The following TSNARE1 variants were observed in gnomAD, a reference collection of about 807,000 sequenced individuals.
TSNARE1 encodes the protein t-SNARE domain containing 1, also known as t-SNARE domain-containing protein 1.
A neutral mutation model predicts 62.0 loss-of-function variants in TSNARE1; 49 were observed. The observed-to-expected ratio is 0.79, with a 90% CI of 0.63 to 1.00. TSNARE1 has a LOEUF of 1.00. TSNARE1 is among the 50% of genes least tolerant of loss of function. The pLI, the probability that TSNARE1 is intolerant of heterozygous loss-of-function variation, is 0.00. For synonymous variants in TSNARE1, 328 were observed against 294.4 expected (o/e 1.11, Z -1.17); for missense variants, 755 against 700.1 (o/e 1.08, Z -0.88).
chr8:142,245,696 A>G (rs1299314916), intron 12 of TSNARE1, among the ~76,000 whole-genome samples: 1 of 152,246 alleles, frequency 6.6e-6, no homozygotes, highest in Non-Finnish European at 1.5e-5. Context: ...AAAACTACAT[A>G]AGAGCAATGG....
In TSNARE1 at chr8:142,300,502, G is replaced by C; in HGVS notation, c.1274C>G (p.Ala425Gly). Residue 425 changes from alanine (A) to glycine (G), a missense_variant, in exon 10 of 14, where the codon GCC (alanine) becomes GGC (glycine). Ala to Gly is a moderately conservative substitution (Grantham distance 60). Transcript: ENST00000524325. ...CAGCCTCACCTCCATCTGCAGGATG[G>C]CCTCCTCCCGCAGCCGGATGGCCTC... ...DLEAIRLREE[A>G]ILQMESNLLD... 3.7e-6 allele frequency: 6 copies of C among 1,605,504 alleles called. No individual in the cohort carries two copies. The highest frequency in any genetic ancestry group is 4.2e-6 in the Non-Finnish European group (5 of 1,179,094).
intron 11 of TSNARE1, among the ~76,000 whole-genome samples, chr8:142,283,467 AAC>A: frequency 1.3e-5 from 2 of 148,996 alleles, no homozygotes; most frequent in Admixed American, 6.6e-5. Context: ...AGTGTCAATG[AAC>A]AGAGGCGGGG....
In TSNARE1 at chr8:142,344,320, G is replaced by A. The variant is rs1030475225; in HGVS notation, c.391C>T (p.Gln131Ter). The A allele has an allele frequency of 1.3e-6, 2 of 1,588,668 alleles. No homozygotes were observed. The highest frequency in any genetic ancestry group is 1.7e-6 in the Non-Finnish European group (2 of 1,164,518). Residue 131 changes from glutamine to a stop codon, truncating the protein, a stop_gained, in exon 4 of 14, where the codon CAG (glutamine) becomes TAG (stop). Coordinates refer to ENST00000524325, the MANE Select transcript of TSNARE1 (RefSeq NM_145003.5). LOFTEE classifies it high-confidence loss of function. ...AKKRKPNFCP[Q>*]ETEVLVSKVS... ...TTGGACACCAGCACCTCGGTCTCCT[G>A]CGGGCAGAAGTTGGGCTTCCTCTTC...
At chr8:142,325,687 C>T (rs1307479857) in intron 6 of TSNARE1, among the ~76,000 whole-genome samples, 1 of 152,200 alleles carries the variant, frequency 6.6e-6, no homozygotes, top group Non-Finnish European at 1.5e-5. Flanking sequence ...TGGAGGGACA[C>T]CTGGGGTTCT....
intron 11 of TSNARE1, 168 bp from the exon 12 acceptor site, chr8:142,275,031 G>A (rs1012380194): frequency 6.1e-6 from 6 of 985,338 alleles, no homozygotes; most frequent in Non-Finnish European, 6.0e-6. Context: ...GCTCCGCGTG[G>A]TGTGGGCAGT....
intron 1 of TSNARE1, among the ~76,000 whole-genome samples, chr8:142,387,210 C>T (rs767941498): frequency 1.3e-5 from 2 of 152,096 alleles, no homozygotes; most frequent in Admixed American, 6.6e-5. Context: ...GAAAAACTCT[C>T]GAACCAAAAA....
intron 4 of TSNARE1, 145 bp from the exon 5 acceptor site, chr8:142,331,976 C>T (rs1563930690): frequency 1.4e-6 from 1 of 728,078 alleles, no homozygotes; most frequent in Non-Finnish European, 2.4e-6. Flanking sequence ...GCCTTTGCGG[C>T]TTGGCCACCC....
intron 12 of TSNARE1, among the ~76,000 whole-genome samples, chr8:142,264,157 T>C (rs1489695240): frequency 6.6e-6 from 1 of 152,256 alleles, no homozygotes; most frequent in Non-Finnish European, 1.5e-5. Context: ...ATTAACTTCA[T>C]ATCCCTTAAT....
chr8:142,282,653 T>C (rs1404599685), intron 11 of TSNARE1, among the ~76,000 whole-genome samples: 2 of 141,296 alleles, frequency 1.4e-5, no homozygotes, highest in South Asian at 2.2e-4. Flanking sequence ...CCAGTGTCTG[T>C]CAATGAGCGG....
chr8:142,359,660 G>A (rs546016825), intron 1 of TSNARE1, among the ~76,000 whole-genome samples: 5 of 152,318 alleles, frequency 3.3e-5, no homozygotes, highest in East Asian at 3.9e-4. Context: ...CCCAGAGCCC[G>A]CCTGCCTCAC....
At chr8:142,397,849 G>A (rs1474569727) in intron 1 of TSNARE1, among the ~76,000 whole-genome samples, 1 of 152,178 alleles carries the variant, frequency 6.6e-6, no homozygotes, top group African/African-American at 2.4e-5. Context: ...CCAGCACACA[G>A]TGCCAAGGCA....
intron 12 of TSNARE1, chr8:142,273,439 C>T (rs542053598): frequency 4.0e-5 from 39 of 985,396 alleles, no homozygotes; most frequent in South Asian, 2.3e-4. Context: ...CTGCCCTCAG[C>T]GACTAGAGGT....
At chr8:142,260,703 G>A (rs1391007885) in intron 12 of TSNARE1, among the ~76,000 whole-genome samples, 7 of 151,858 alleles carry the variant, frequency 4.6e-5, no homozygotes, top group African/African-American at 1.7e-4. Flanking sequence ...TGACGCCCCA[G>A]CCTCACCAGT....
intron 2 of TSNARE1, among the ~76,000 whole-genome samples, chr8:142,350,526 C>T (rs1040619479): frequency 2.6e-5 from 4 of 152,180 alleles, no homozygotes; most frequent in Non-Finnish European, 4.4e-5. Context: ...CAGAAACATT[C>T]AAGGAATACA....
intron 12 of TSNARE1, among the ~76,000 whole-genome samples, chr8:142,235,360 G>A (rs551836401): frequency 2.0e-5 from 3 of 151,950 alleles, no homozygotes; most frequent in African/African-American, 4.8e-5. Context: ...AGGCCTCCTC[G>A]TCCCCACCTG....
intron 11 of TSNARE1, chr8:142,276,303 G>A (rs997541133): frequency 2.0e-6 from 2 of 985,294 alleles, no homozygotes; most frequent in African/African-American, 3.5e-5. Flanking sequence ...GCCACATTAG[G>A]GTCACGACCC....
intron 12 of TSNARE1, chr8:142,247,592 G>C (rs1817946456): frequency 6.6e-6 from 1 of 152,220 alleles, no homozygotes; most frequent in Non-Finnish European, 1.5e-5. Flanking sequence ...TTAAGAGATG[G>C]GATCTCACTG....
At chr8:142,222,938 AT>A in intron 13 of TSNARE1, among the ~76,000 whole-genome samples, 2 of 151,348 alleles carry the variant, frequency 1.3e-5, no homozygotes, top group African/African-American at 4.9e-5. Flanking sequence ...TCATCCACTC[AT>A]TCACTCACTC....
Position 142,319,136 on chromosome 8 carries a change from C to T in TSNARE1, c.894-502G>A, listed in dbSNP as rs1450295757. On this transcript the variant is annotated intron_variant, in intron 6 of 13. Transcript: ENST00000524325. The surrounding 1 kb of genome is among the most constrained non-coding windows in gnomAD (Gnocchi z 4.9). The stretch of plus-strand genomic sequence containing the variant: ...GCAGCCGGGCCCCACCAATCGGCCA[C>T]TGCGAGGACCACCTTGCTCCGCCGC... Among the ~76,000 whole-genome samples the T allele has an allele frequency of 2.0e-5, 3 of 150,868 alleles. No homozygotes were observed. In the East Asian group the frequency reaches 5.9e-4, roughly 30 times the overall value.
Sources: gnomAD v4.1 joint callset for allele counts (sites outside exome capture counted in the v4.1 genomes callset) on GRCh38, gnomAD v4.1.1 for gene constraint, Gnocchi (gnomAD v3.1) non-coding constraint, MANE v1.5 for transcripts, NCBI Gene and HGNC (gene_info 2026-07-23, HGNC 2026-07-21) for gene names.